RYR2: variants seen among roughly 807,000 people sequenced by gnomAD.
RYR2 encodes ryanodine receptor 2.
In RYR2, 227 loss-of-function variants were observed where a neutral mutation model predicts 601.1. The ratio of observed to expected loss-of-function variants is 0.38; its 90% CI spans 0.34 to 0.42. RYR2 has a LOEUF of 0.42. Ranked by LOEUF, RYR2 falls within the 10% of genes least tolerant of loss-of-function variation. RYR2 has a pLI of 1.00. For synonymous variants in RYR2, 2,223 were observed against 2,175.1 expected (o/e 1.02, Z -0.61); for missense variants, 4,646 against 6,156.5 (o/e 0.75, Z 8.21).
chr1:237,392,283 A>G (rs185652388), intron 10 of RYR2, among the ~76,000 whole-genome samples: 1 of 152,232 alleles, frequency 6.6e-6, no homozygotes. Context: ...ATAGCCAACA[A>G]TAAATTTATT....
intron 1 of RYR2, among the ~76,000 whole-genome samples, chr1:237,060,259 G>A (rs1009586864): frequency 5.9e-5 from 9 of 151,966 alleles, no homozygotes; most frequent in East Asian, 1.9e-4. Flanking sequence ...CCTGTTATAC[G>A]CAAAGCATTC....
chr1:237,374,057 C>T (rs949308535), intron 6 of RYR2, among the ~76,000 whole-genome samples: 1 of 152,180 alleles, frequency 6.6e-6, no homozygotes, highest in African/African-American at 2.4e-5. Context: ...GAAGAAAAGA[C>T]TACAATTCCT....
At chr1:237,680,816 AT>A (rs1446465154) in intron 62 of RYR2, among the ~76,000 whole-genome samples, 2 of 152,146 alleles carry the variant, frequency 1.3e-5, no homozygotes, top group Non-Finnish European at 2.9e-5. Flanking sequence ...AGGATAAAAT[AT>A]CACTCATTTC....
chr1:237,111,594 A>G (rs1669486010), intron 1 of RYR2, among the ~76,000 whole-genome samples: 1 of 149,780 alleles, frequency 6.7e-6, no homozygotes, highest in Admixed American at 6.7e-5. Flanking sequence ...TCTCTTTAAA[A>G]AAAAAAAAAA....
chr1:237,432,203 C>CT (rs61707333), intron 12 of RYR2, among the ~76,000 whole-genome samples: 62 of 149,562 alleles, frequency 4.1e-4, no homozygotes, highest in African/African-American at 1.2e-3. Context: ...TGACTTTAGG[C>CT]TTTTTTTAAA....
At chr1:237,118,102 A>G (rs1670341871) in intron 1 of RYR2, among the ~76,000 whole-genome samples, 2 of 152,334 alleles carry the variant, frequency 1.3e-5, no homozygotes, top group South Asian at 4.1e-4. Context: ...CATGTACACA[A>G]ATACCTGCAA....
intron 2 of RYR2, among the ~76,000 whole-genome samples, chr1:237,284,853 G>A (rs1691369586): frequency 6.6e-6 from 1 of 151,922 alleles, no homozygotes; most frequent in Non-Finnish European, 1.5e-5. Context: ...GTATAGAAGA[G>A]CTACTGATTT....
intron 1 of RYR2, among the ~76,000 whole-genome samples, chr1:237,206,542 A>C (rs574280155): frequency 2.0e-5 from 3 of 152,342 alleles, no homozygotes; most frequent in Admixed American, 2.0e-4. Flanking sequence ...GTCAAATTAC[A>C]TCCCTATACA....
intron 10 of RYR2, among the ~76,000 whole-genome samples, chr1:237,402,405 A>AT (rs1376204300): frequency 5.3e-5 from 8 of 150,232 alleles, no homozygotes; most frequent in Non-Finnish European, 8.9e-5. Context: ...AAAAGAAAAA[A>AT]AAATATATAT....
chr1:237,694,065 C>A lies in RYR2; in HGVS notation c.9068-4900C>A, dbSNP rs576000951. 4.6e-5 allele frequency among the ~76,000 whole-genome samples: 7 copies of A among 152,068 alleles called. No individual in the cohort carries two copies. The East Asian group carries it at 1.4e-3, about 29-fold the overall frequency. On this transcript the variant is annotated intron_variant, in intron 63 of 104. Coordinates refer to ENST00000366574, the MANE Select transcript of RYR2 (RefSeq NM_001035.3). ...ATCCCAGCACTCTGGGAGGCTGAGGCGGGCGGATCACAAGGTCAGGGGATC... is the reference window on the plus strand; with the variant it reads ...ATCCCAGCACTCTGGGAGGCTGAGGAGGGCGGATCACAAGGTCAGGGGATC...
intron 51 of RYR2, among the ~76,000 whole-genome samples, chr1:237,653,841 G>A (rs1327303470): frequency 1.3e-5 from 2 of 152,312 alleles, no homozygotes; most frequent in Non-Finnish European, 2.9e-5. Flanking sequence ...CTTGGAGTCT[G>A]ATGTTTGAGG....
chr1:237,234,109 C>T (rs540515032), intron 1 of RYR2, among the ~76,000 whole-genome samples: 5 of 152,200 alleles, frequency 3.3e-5, no homozygotes, highest in South Asian at 4.2e-4. Flanking sequence ...TCAGGGAACT[C>T]GCATGGAGTA....
chr1:237,107,297 G>A (rs924060939), intron 1 of RYR2, among the ~76,000 whole-genome samples: 7 of 151,540 alleles, frequency 4.6e-5, no homozygotes, highest in South Asian at 2.1e-4. Context: ...TGAGGCGGGC[G>A]GATCACGAGG....
intron 1 of RYR2, among the ~76,000 whole-genome samples, chr1:237,263,119 TAGAC>T (rs913058663): frequency 6.6e-6 from 1 of 152,274 alleles, no homozygotes; most frequent in East Asian, 1.9e-4. Context: ...ACAGCAATAA[TAGAC>T]AGGATCGGTA....
chr1:237,768,373 G>T (rs377304439), intron 84 of RYR2, among the ~76,000 whole-genome samples: 315 of 152,136 alleles, frequency 2.1e-3, no homozygotes, highest in Non-Finnish European at 3.0e-3. Flanking sequence ...ACGTAGACAG[G>T]GTACGTGTTA....
At chr1:237,564,320 G>C (rs1232936852) in intron 27 of RYR2, among the ~76,000 whole-genome samples, 2 of 152,078 alleles carry the variant, frequency 1.3e-5, no homozygotes, top group Non-Finnish European at 2.9e-5. Flanking sequence ...GCCCAGGCTA[G>C]AGTGTAGTGG....
At chr1:237,511,844 A>AAAAC (rs1665938841) in intron 24 of RYR2, 53 bp downstream of exon 24, 1 of 963,680 alleles carries the variant, frequency 1.0e-6, no homozygotes, top group Non-Finnish European at 1.4e-6. Flanking sequence ...GAAAAAAAAA[A>AAAAC]AAAAAAAAAA....
chr1:237,496,281 G>A (rs1175948801), intron 19 of RYR2, among the ~76,000 whole-genome samples: 2 of 152,144 alleles, frequency 1.3e-5, no homozygotes, highest in African/African-American at 2.4e-5. Flanking sequence ...GGTGGCACTC[G>A]CCTTTAGTGC....
At chr1:237,333,530 A>T in intron 3 of RYR2, 1 of 451,520 alleles carries the variant, frequency 2.2e-6, no homozygotes, top group Non-Finnish European at 4.5e-6. Flanking sequence ...GTTAGGGAGC[A>T]CTGTGGGGAC....
Sources: allele counts gnomAD v4.1 joint callset (sites outside exome capture counted in the v4.1 genomes callset), GRCh38; gene constraint gnomAD v4.1.1; transcripts MANE v1.5; gene names NCBI Gene and HGNC (gene_info 2026-07-23, HGNC 2026-07-21).